POLR2F: variants seen among roughly 807,000 people sequenced by gnomAD.
POLR2F encodes DNA-directed RNA polymerases I, II, and III subunit RPABC2.
Under a neutral mutation model 22.7 loss-of-function variants are expected in POLR2F, and 12 were observed. That is an observed-to-expected ratio of 0.53 (90% CI 0.34 to 0.86). The LOEUF (loss-of-function observed/expected upper bound fraction) is 0.86. POLR2F is among the 40% of genes least tolerant of loss of function. The pLI is 0.02. For missense variants in POLR2F, 126 were observed against 171.5 expected, an observed-to-expected ratio of 0.73 and a Z score of 1.48; for synonymous variants, 57 against 66.0, an observed-to-expected ratio of 0.86 and a Z score of 0.66.
At chr22:37,985,694 G>C (rs1441566437), upstream of POLR2F, among the ~76,000 whole-genome samples, 2 of 152,118 alleles carry the variant, frequency 1.3e-5, no homozygotes, top group Non-Finnish European at 1.5e-5. Flanking sequence ...GGCTGCAAAG[G>C]GTCTGGGGAG....
chr22:38,019,239 A>T (rs1601910937), intron 1 of POLR2F, among the ~76,000 whole-genome samples: 1 of 151,336 alleles, frequency 6.6e-6, no homozygotes. Flanking sequence ...GTAAGATGAC[A>T]CCCTCCACAT....
chr22:38,037,506 C>T (rs150330530), intron 5 of POLR2F, among the ~76,000 whole-genome samples: 2 of 145,802 alleles, frequency 1.4e-5, no homozygotes, highest in East Asian at 4.1e-4. Flanking sequence ...GAACTCTTGG[C>T]CTCAAGCAGT....
At chr22:38,041,191 C>T (rs1049077161), downstream of POLR2F, 16 of 1,593,150 alleles carry the variant, frequency 1.0e-5, no homozygotes, top group African/African-American at 1.1e-4. Flanking sequence ...CTGGTCAAGG[C>T]GGCCGCCAGG....
chr22:38,025,404 C>T (rs976576958), intron 1 of POLR2F, among the ~76,000 whole-genome samples: 1 of 152,158 alleles, frequency 6.6e-6, no homozygotes, highest in Non-Finnish European at 1.5e-5. Context: ...CACATGCATA[C>T]ACATGCCCAC....
downstream of POLR2F, among the ~76,000 whole-genome samples, chr22:37,970,483 T>C (rs1317537484): frequency 6.6e-6 from 1 of 150,402 alleles, no homozygotes. Context: ...GGTGCACACC[T>C]GTAGTCCCAG....
chr22:37,968,174 C>T lies in POLR2F; in HGVS notation c.*459C>T. On this transcript the variant is annotated 3_prime_UTR_variant, in exon 5 of 5. Transcript: ENST00000442738. ...CCACCCATTGTTTCCTAAGGACCTGCTTCGAGCCTCTTATCGTGGGCTCGG... is the reference window on the plus strand; with the variant it reads ...CCACCCATTGTTTCCTAAGGACCTGTTTCGAGCCTCTTATCGTGGGCTCGG... The T allele has an allele frequency of 1.0e-6, 1 of 985,604 alleles. No homozygotes were observed. The highest frequency in any genetic ancestry group is 1.2e-6 in the Non-Finnish European group (1 of 830,044). The allele number at this position is 985,604 out of a possible 1,614,324, so 61.1% of individuals were successfully genotyped here.
intron 3 of POLR2F, among the ~76,000 whole-genome samples, chr22:37,962,857 A>AT (rs1200395997): frequency 1.3e-5 from 2 of 150,710 alleles, no homozygotes; most frequent in Non-Finnish European, 3.0e-5. Flanking sequence ...CGCCCGGCTA[A>AT]TTTTTTGTAG....
At chr22:38,038,488 G>A (rs557358900) in intron 5 of POLR2F, among the ~76,000 whole-genome samples, 2 of 152,190 alleles carry the variant, frequency 1.3e-5, no homozygotes, top group African/African-American at 2.4e-5. Context: ...GGCACAGGAT[G>A]GGACGGGTTG....
intron 4 of POLR2F, among the ~76,000 whole-genome samples, chr22:37,976,387 C>A (rs900478910): frequency 6.6e-6 from 1 of 152,292 alleles, no homozygotes; most frequent in South Asian, 2.1e-4. Flanking sequence ...TTAATTCACT[C>A]GTTTTCATCC....
chr22:37,997,284 C>T lies in POLR2F; in HGVS notation c.120+10972C>T, dbSNP rs2084724225. ...ACCTTGTTTCTTTCTCTGTCCATTG[C>T]TCCCTCCTTCTCCTCTTTCTGTCCC... On this transcript the variant is annotated intron_variant, in intron 1 of 2. Coordinates refer to the POLR2F transcript ENST00000333418. The surrounding 1 kb of genome is among the most constrained non-coding windows in gnomAD (Gnocchi z 4.4). Among the ~76,000 whole-genome samples, 1 of 151,972 alleles carries T rather than the reference C, an allele frequency of 6.6e-6. No individual in the cohort carries two copies. Among genetic ancestry groups the T allele is most frequent in the Admixed American group, 6.6e-5 (1 of 15,258 alleles).
intron 5 of POLR2F, chr22:38,040,995 T>A: frequency 6.2e-7 from 1 of 1,607,162 alleles, no homozygotes; most frequent in Non-Finnish European, 8.5e-7. Context: ...AAGTTCTTCA[T>A]GTATTTCATT....
Position 38,012,497 on chromosome 22 carries a change from C to T in POLR2F, c.121-13372C>T, listed in dbSNP as rs2084879506. 2.0e-5 allele frequency among the ~76,000 whole-genome samples: 3 copies of T among 152,330 alleles called. No individual in the cohort carries two copies. In the South Asian group the frequency reaches 6.2e-4, roughly 32 times the overall value. On this transcript the variant is annotated intron_variant, in intron 1 of 2. Coordinates refer to the POLR2F transcript ENST00000333418. The stretch of plus-strand genomic sequence containing the variant: ...TCCTCTATGTTAAGATTTTACATAA[C>T]TATGATACACTTACTGAGAAATTAA...
downstream of POLR2F, among the ~76,000 whole-genome samples, chr22:38,028,778 G>A (rs1450771367): frequency 6.6e-6 from 1 of 152,150 alleles, no homozygotes; most frequent in East Asian, 1.9e-4. Context: ...GAGTGAAATA[G>A]GCAGAGAATG....
chr22:37,953,667 A>AT (rs1931217496), upstream of POLR2F: 1 of 1,251,216 alleles, frequency 8.0e-7, no homozygotes, highest in Non-Finnish European at 1.1e-6. Flanking sequence ...CCCGGAAGTG[A>AT]TTTCCTCTGG....
chr22:37,957,821 ACT>A (rs1467564558), intron 2 of POLR2F, among the ~76,000 whole-genome samples: 3 of 151,848 alleles, frequency 2.0e-5, no homozygotes, highest in Non-Finnish European at 1.5e-5. Flanking sequence ...CTCACTCCAG[ACT>A]CTGCTCTGTG....
chr22:38,040,298 A>AAAG (rs1259533767), intron 5 of POLR2F: 1 of 152,080 alleles, frequency 6.6e-6, no homozygotes, highest in African/African-American at 2.4e-5. Context: ...AAAAAAAAAA[A>AAAG]AAAAAAAGAA....
intron 1 of POLR2F, among the ~76,000 whole-genome samples, chr22:37,998,646 A>G (rs1168675148): frequency 6.6e-6 from 1 of 152,012 alleles, no homozygotes; most frequent in Non-Finnish European, 1.5e-5. Flanking sequence ...TGGGCGTGGG[A>G]TGTGCAGAGG....
At chr22:37,992,420 T>A (rs954407459) in intron 1 of POLR2F, among the ~76,000 whole-genome samples, 8 of 151,682 alleles carry the variant, frequency 5.3e-5, no homozygotes, top group African/African-American at 1.9e-4. Context: ...AGAGTCTCAC[T>A]CTTTCACTCT....
intron 1 of POLR2F, among the ~76,000 whole-genome samples, chr22:38,005,508 C>T (rs1385894439): frequency 6.6e-6 from 1 of 152,224 alleles, no homozygotes; most frequent in Non-Finnish European, 1.5e-5. Flanking sequence ...CTTTAGCAAG[C>T]TCATCCTGGC....
Sources: gnomAD v4.1 joint callset for allele counts (sites outside exome capture counted in the v4.1 genomes callset) on GRCh38, gnomAD v4.1.1 for gene constraint, Gnocchi (gnomAD v3.1) non-coding constraint, MANE v1.5 for transcripts, NCBI Gene and HGNC (gene_info 2026-07-23, HGNC 2026-07-21) for gene names.